The following RORA variants were observed in gnomAD, a reference collection of about 807,000 sequenced individuals.
RORA encodes the protein RAR related orphan receptor A, also known as nuclear receptor ROR-alpha.
Under a neutral mutation model 69.5 loss-of-function variants are expected in RORA, and 7 were observed. That is an observed-to-expected ratio of 0.10 (90% confidence interval 0.06 to 0.19). The LOEUF is 0.19. Ranked by LOEUF, RORA falls within the 10% of genes least tolerant of loss-of-function variation. The pLI, the probability that RORA is intolerant of heterozygous loss-of-function variation, is 1.00. For synonymous variants in RORA, 261 were observed against 240.8 expected, an observed-to-expected ratio of 1.08 and a Z score of -0.78; for missense variants, 457 against 663.0, an observed-to-expected ratio of 0.69 and a Z score of 3.41.
At chr15:60,878,047 G>A (rs963343260) in intron 1 of RORA, among the ~76,000 whole-genome samples, 2 of 151,768 alleles carry the variant, frequency 1.3e-5, no homozygotes, top group Middle Eastern at 3.2e-3. Flanking sequence ...ATTTTCCAGC[G>A]TTGGCCAGGT....
intron 5 of RORA, among the ~76,000 whole-genome samples, chr15:60,507,636 A>T (rs1441294014): frequency 6.6e-6 from 1 of 152,230 alleles, no homozygotes; most frequent in Non-Finnish European, 1.5e-5. Flanking sequence ...GACAAAAATA[A>T]TGGGGAGTAA....
chr15:61,080,156 G>C (rs116250671), intron 1 of RORA, among the ~76,000 whole-genome samples: 2 of 152,070 alleles, frequency 1.3e-5, no homozygotes, highest in Non-Finnish European at 2.9e-5. Context: ...TCAGGGCTTC[G>C]CGCTCTTTTC....
chr15:60,546,527 T>C (rs2067074671), intron 2 of RORA: 1 of 152,152 alleles, frequency 6.6e-6, no homozygotes, highest in South Asian at 2.1e-4. Flanking sequence ...AGCAGTTCTG[T>C]ATAGTCTTCA....
intron 1 of RORA, among the ~76,000 whole-genome samples, chr15:61,170,717 A>G (rs1343595535): frequency 2.0e-5 from 3 of 152,232 alleles, no homozygotes; most frequent in African/African-American, 7.2e-5. Flanking sequence ...AGCCATGATT[A>G]TATCAATATA....
At chr15:60,807,798 C>A (rs1258725083) in intron 1 of RORA, among the ~76,000 whole-genome samples, 1 of 152,154 alleles carries the variant, frequency 6.6e-6, no homozygotes, top group Non-Finnish European at 1.5e-5. Flanking sequence ...TGATCTTCAA[C>A]AAAGCAAACA....
At chr15:60,741,660 C>T (rs2071577164) in intron 1 of RORA, among the ~76,000 whole-genome samples, 1 of 152,172 alleles carries the variant, frequency 6.6e-6, no homozygotes, top group Non-Finnish European at 1.5e-5. Flanking sequence ...AGATCTAGTT[C>T]CCCAACCTTA....
intron 1 of RORA, among the ~76,000 whole-genome samples, chr15:60,811,188 T>C (rs891102729): frequency 6.6e-6 from 1 of 152,230 alleles, no homozygotes; most frequent in South Asian, 2.1e-4. Flanking sequence ...AGAGGGATGG[T>C]ACCATTTCCT....
chr15:60,864,977 C>T (rs944729325), intron 1 of RORA, among the ~76,000 whole-genome samples: 1 of 152,098 alleles, frequency 6.6e-6, no homozygotes, highest in Non-Finnish European at 1.5e-5. Flanking sequence ...CTTTGGGGAA[C>T]AGTAGTAGGC....
chr15:60,853,141 G>A (rs1371945341), intron 1 of RORA, among the ~76,000 whole-genome samples: 1 of 152,118 alleles, frequency 6.6e-6, no homozygotes, highest in African/African-American at 2.4e-5. Context: ...CACGGTACAC[G>A]CTTCCAATTA....
intron 1 of RORA, among the ~76,000 whole-genome samples, chr15:61,095,298 T>C (rs2078772907): frequency 6.6e-6 from 1 of 152,214 alleles, no homozygotes; most frequent in South Asian, 2.1e-4. Context: ...AGAAGTATTT[T>C]AGATACTTAC....
intron 1 of RORA, among the ~76,000 whole-genome samples, chr15:60,730,132 T>C (rs568110482): frequency 1.4e-4 from 21 of 152,320 alleles, no homozygotes; most frequent in African/African-American, 4.8e-4. Flanking sequence ...TCCACAGTTC[T>C]AAATGAGGCT....
chr15:60,488,358 CT>C lies in RORA; in HGVS notation c.*9096del, dbSNP rs2064984418. 1 of 152,080 alleles carries C rather than the reference CT, an allele frequency of 6.6e-6. No individual in the cohort carries two copies. Among genetic ancestry groups the C allele is most frequent in the African/African-American group, 2.4e-5 (1 of 41,396 alleles). The allele number at this position is 152,080 out of a possible 1,614,324, so 9.4% of individuals were successfully genotyped here. On this transcript the variant is annotated 3_prime_UTR_variant, in exon 11 of 11. Transcript: ENST00000335670. ...ATCTAAAATTGATGTGTTCAATGCA[CT>C]TTTAATAAAGGTAATGTAATATTAA... is the stretch of plus-strand genomic sequence containing the variant.
At chr15:60,894,778 G>A (rs969559466) in intron 1 of RORA, among the ~76,000 whole-genome samples, 4 of 152,156 alleles carry the variant, frequency 2.6e-5, no homozygotes, top group Non-Finnish European at 5.9e-5. Flanking sequence ...GAACCTCTGG[G>A]CTGAAAAGAC....
intron 1 of RORA, among the ~76,000 whole-genome samples, chr15:60,840,530 T>C (rs2073182163): frequency 6.6e-6 from 1 of 152,238 alleles, no homozygotes; most frequent in African/African-American, 2.4e-5. Context: ...GGCTTGGCTC[T>C]GGGAAAGATG....
intron 1 of RORA, among the ~76,000 whole-genome samples, chr15:61,221,880 G>C (rs1346766013): frequency 6.6e-6 from 1 of 151,780 alleles, no homozygotes; most frequent in Non-Finnish European, 1.5e-5. Flanking sequence ...AATCAAGCCA[G>C]GTGCAGTAGT....
At chr15:60,876,267 A>C (rs1257358636) in intron 1 of RORA, among the ~76,000 whole-genome samples, 3 of 140,308 alleles carry the variant, frequency 2.1e-5, no homozygotes, top group African/African-American at 5.2e-5. Flanking sequence ...TTTTTTCTGA[A>C]GTTGGCTTTC....
intron 3 of RORA, chr15:60,528,605 T>A (rs958895419): frequency 6.6e-6 from 1 of 152,144 alleles, no homozygotes; most frequent in Admixed American, 6.5e-5. Context: ...TTGCAAATGG[T>A]CACAACAATC....
intron 1 of RORA, among the ~76,000 whole-genome samples, chr15:60,800,809 T>C (rs1027218189): frequency 6.6e-6 from 1 of 152,176 alleles, no homozygotes; most frequent in African/African-American, 2.4e-5. Context: ...TCCCTCAGCA[T>C]GCAGGTCTTT....
At chr15:60,564,497 A>C (rs8036966) in intron 2 of RORA, among the ~76,000 whole-genome samples, 32,307 of 152,008 alleles carry the variant, frequency 0.21, 5,172 homozygotes, top group African/African-American at 0.45. Context: ...GTTGCTTTTA[A>C]CTTCACTTAT....
Sources: gnomAD v4.1 joint callset for allele counts (sites outside exome capture counted in the v4.1 genomes callset) on GRCh38, gnomAD v4.1.1 for gene constraint, MANE v1.5 for transcripts, NCBI Gene and HGNC (gene_info 2026-07-23, HGNC 2026-07-21) for gene names.